OXR1: variants seen among roughly 807,000 people sequenced by gnomAD.
The protein encoded by OXR1 is oxidation resistance 1, also known as oxidation resistance protein 1.
In OXR1, 41 loss-of-function variants were observed where a neutral mutation model predicts 104.6. The observed-to-expected ratio is 0.39, with a 90% CI of 0.31 to 0.51. OXR1 has a LOEUF of 0.51. Among genes scored for constraint, OXR1 ranks in the 20% least tolerant of loss-of-function variants. The pLI, the probability that OXR1 is intolerant of heterozygous loss-of-function variation, is 0.77. For missense variants in OXR1, 955 were observed against 1,031.9 expected, an observed-to-expected ratio of 0.93 and a Z score of 1.02; for synonymous variants, 348 against 348.4, an observed-to-expected ratio of 1.00 and a Z score of 0.01.
intron 2 of OXR1, among the ~76,000 whole-genome samples, chr8:106,405,037 T>C (rs1387205489): frequency 6.6e-6 from 1 of 151,854 alleles, no homozygotes; most frequent in Non-Finnish European, 1.5e-5. Context: ...TGTGTATTTC[T>C]GTTGCCAGAT....
chr8:106,734,926 T>C (rs182503739), intron 11 of OXR1, among the ~76,000 whole-genome samples: 2 of 152,300 alleles, frequency 1.3e-5, no homozygotes, highest in East Asian at 3.9e-4. Flanking sequence ...GCACTTTTAA[T>C]TGGAAGGTCT....
intron 2 of OXR1, among the ~76,000 whole-genome samples, chr8:106,398,604 A>G (rs1186278898): frequency 6.6e-6 from 1 of 152,182 alleles, no homozygotes; most frequent in Non-Finnish European, 1.5e-5. Context: ...AGGTTCAAGC[A>G]CACAGGAATA....
chr8:106,277,944 T>C (rs1382085826), intron 1 of OXR1, among the ~76,000 whole-genome samples: 2 of 152,084 alleles, frequency 1.3e-5, no homozygotes, highest in Non-Finnish European at 2.9e-5. Context: ...CCATAGAAAA[T>C]TGAGGGATTG....
At chr8:106,451,199 T>C (rs1301838574) in intron 2 of OXR1, among the ~76,000 whole-genome samples, 1 of 152,146 alleles carries the variant, frequency 6.6e-6, no homozygotes, top group African/African-American at 2.4e-5. Context: ...CATGTGAGTT[T>C]TCATGTTGAT....
At chr8:106,344,633 G>C (rs187805709) in intron 1 of OXR1, among the ~76,000 whole-genome samples, 1 of 152,082 alleles carries the variant, frequency 6.6e-6, no homozygotes, top group Non-Finnish European at 1.5e-5. Flanking sequence ...CACTGCGCCC[G>C]GCCAATTTTT....
chr8:106,463,414 A>G (rs1206865890), intron 2 of OXR1, among the ~76,000 whole-genome samples: 1 of 152,114 alleles, frequency 6.6e-6, no homozygotes, highest in Non-Finnish European at 1.5e-5. Context: ...CTCAAATAAG[A>G]AGAGTTCTTA....
At position 106,706,796 on chromosome 8, in the gene OXR1, G is replaced by A; in HGVS notation, c.1275G>A (p.Gln425=). Residue 425 remains glutamine (Q), a synonymous_variant, in exon 9 of 17, where the codon CAG becomes CAA. Coordinates refer to ENST00000517566, the MANE Select transcript of OXR1 (RefSeq NM_001198533.2). The part of the protein sequence containing the change: ...NNLEMAIKED[Q]IADNFQGISG... ...TTGAAATGGCCATTAAGGAAGATCA[G>A]ATTGCAGATAACTTTCAAGGAATAT... 6.2e-7 allele frequency: 1 copy of A among 1,612,718 alleles called. No individual in the cohort carries two copies. The highest frequency in any genetic ancestry group is 8.5e-7 in the Non-Finnish European group (1 of 1,179,640).
intron 2 of OXR1, among the ~76,000 whole-genome samples, chr8:106,515,161 A>T (rs955968004): frequency 6.6e-6 from 1 of 152,082 alleles, no homozygotes; most frequent in Non-Finnish European, 1.5e-5. Context: ...TGCCTTGGTG[A>T]TCTATAGCTT....
rs530573810 is a variant in OXR1, at chr8:106,363,062, G to A, written c.23+3426G>A. On this transcript the variant is annotated intron_variant, in intron 2 of 16. Transcript: ENST00000517566. ...TGTTAAAGACTGGACAGCATCTTGT[G>A]GAGGTGATAGTAATTCTTCTAGAGC... 5.9e-5 allele frequency among the ~76,000 whole-genome samples: 9 copies of A among 152,344 alleles called. No individual in the cohort carries two copies. The South Asian group carries it at 1.7e-3, about 28-fold the overall frequency.
At chr8:106,636,412 G>T (rs538917266) in intron 3 of OXR1, among the ~76,000 whole-genome samples, 3 of 151,922 alleles carry the variant, frequency 2.0e-5, no homozygotes, top group Non-Finnish European at 2.9e-5. Context: ...GGCAGTATTT[G>T]TGCTAGTATG....
At chr8:106,295,277 G>T (rs1409136769) in intron 1 of OXR1, among the ~76,000 whole-genome samples, 1 of 152,166 alleles carries the variant, frequency 6.6e-6, no homozygotes, top group Non-Finnish European at 1.5e-5. Flanking sequence ...GGATTTAAAT[G>T]AGGATTACAC....
chr8:106,697,481 T>C (rs2067179577), intron 7 of OXR1: 1 of 1,604,134 alleles, frequency 6.2e-7, no homozygotes, highest in Non-Finnish European at 8.5e-7. Context: ...ATGCCCCCCA[T>C]CTGTAGCCCG....
chr8:106,331,997 AGTGTGT>A (rs3073756), intron 1 of OXR1, among the ~76,000 whole-genome samples: 6,364 of 138,116 alleles, frequency 0.046, 160 homozygotes, highest in South Asian at 0.097. Context: ...GAAAGAACAT[AGTGTGT>A]GTGTGTGTGT....
chr8:106,585,270 A>C (rs751190399), intron 3 of OXR1, among the ~76,000 whole-genome samples: 1 of 152,082 alleles, frequency 6.6e-6, no homozygotes, highest in Non-Finnish European at 1.5e-5. Context: ...GGAAAATTCT[A>C]TCTAAAAACA....
chr8:106,339,699 C>T (rs985525441), intron 1 of OXR1, among the ~76,000 whole-genome samples: 2 of 150,508 alleles, frequency 1.3e-5, no homozygotes, highest in African/African-American at 4.9e-5. Flanking sequence ...GTGTCAGGGC[C>T]TTTATTCATT....
At chr8:106,294,395 C>CAAAAAAAAAAA (rs1200997871) in intron 1 of OXR1, among the ~76,000 whole-genome samples, 1 of 70,386 alleles carries the variant, frequency 1.4e-5, no homozygotes, top group African/African-American at 6.3e-5. Flanking sequence ...GACTCTGTCT[C>CAAAAAAAAAAA]AAAAAAAAAA....
chr8:106,615,798 A>G (rs1226683337), intron 3 of OXR1, among the ~76,000 whole-genome samples: 1 of 152,160 alleles, frequency 6.6e-6, no homozygotes, highest in African/African-American at 2.4e-5. Context: ...TTAATTTTCT[A>G]TACATAGCGT....
chr8:106,666,960 TTTAA>T (rs1317520513), intron 3 of OXR1, among the ~76,000 whole-genome samples: 2 of 152,218 alleles, frequency 1.3e-5, no homozygotes, highest in Non-Finnish European at 2.9e-5. Context: ...TGTAAATTAA[TTTAA>T]TTAAGTAAAA....
At chr8:106,521,972 A>AC (rs1467319420) in intron 3 of OXR1, among the ~76,000 whole-genome samples, 1 of 152,108 alleles carries the variant, frequency 6.6e-6, no homozygotes, top group Non-Finnish European at 1.5e-5. Flanking sequence ...TAGAGTTTAT[A>AC]CTCCTGGAAA....
Sources: gnomAD v4.1 joint callset for allele counts (sites outside exome capture counted in the v4.1 genomes callset) on GRCh38, gnomAD v4.1.1 for gene constraint, MANE v1.5 for transcripts, NCBI Gene and HGNC (gene_info 2026-07-23, HGNC 2026-07-21) for gene names.